Variants in CELF1 observed in about 807,000 individuals in gnomAD.
The protein encoded by CELF1 is CUGBP Elav-like family member 1.
Under a neutral mutation model 61.8 loss-of-function variants are expected in CELF1, and 10 were observed. The ratio of observed to expected loss-of-function variants is 0.16; its 90% CI spans 0.10 to 0.27. The LOEUF (loss-of-function observed/expected upper bound fraction) is 0.27. Ranked by LOEUF, CELF1 falls within the 10% of genes least tolerant of loss-of-function variation. The pLI, the probability that CELF1 is intolerant of heterozygous loss-of-function variation, is 1.00. For synonymous variants in CELF1, 236 were observed against 225.1 expected (o/e 1.05, Z -0.43); for missense variants, 380 against 639.1 (o/e 0.59, Z 4.37).
At chr11:47,549,544 T>C (rs1405624026) in intron 1 of CELF1, among the ~76,000 whole-genome samples, 4 of 152,128 alleles carry the variant, frequency 2.6e-5, no homozygotes, top group East Asian at 1.9e-4. Context: ...CTTGAGGACA[T>C]TACACTAAGT....
At chr11:47,479,431 C>T (rs2081783764) in intron 9 of CELF1, among the ~76,000 whole-genome samples, 1 of 152,206 alleles carries the variant, frequency 6.6e-6, no homozygotes, top group South Asian at 2.1e-4. Flanking sequence ...CAAATCTAAA[C>T]ATTTCATAGT....
chr11:47,554,683 C>T (rs542781354), upstream of CELF1, among the ~76,000 whole-genome samples: 8 of 144,932 alleles, frequency 5.5e-5, no homozygotes, highest in South Asian at 8.8e-4. Context: ...TTTTTTGAGA[C>T]GGAGTCTAGC....
chr11:47,529,300 G>C (rs574792313), intron 1 of CELF1, among the ~76,000 whole-genome samples: 1 of 152,078 alleles, frequency 6.6e-6, no homozygotes, highest in South Asian at 2.1e-4. Flanking sequence ...GTGGCTCCCA[G>C]CACTTTGGGA....
chr11:47,485,570 T>C (rs557162277), intron 6 of CELF1, among the ~76,000 whole-genome samples: 4 of 151,654 alleles, frequency 2.6e-5, no homozygotes, highest in Non-Finnish European at 5.9e-5. Flanking sequence ...TGAATGTAAC[T>C]GTCTACTTTT....
intron 1 of CELF1, among the ~76,000 whole-genome samples, chr11:47,519,945 A>T (rs1424953496): frequency 2.6e-5 from 4 of 150,958 alleles, no homozygotes; most frequent in African/African-American, 9.7e-5. Context: ...TCCTAAAAAA[A>T]CTCAACTGTT....
chr11:47,510,068 G>GA lies in CELF1; in HGVS notation c.-153-9137dup, dbSNP rs200224341. ...CAGGGTGAGATACTGTCTCAAAAAA[G>GA]AAAAAAAAAAGTAAGGAAGTAGGGA... On this transcript the variant is annotated intron_variant, in intron 1 of 14. Transcript: ENST00000687097. Among the ~76,000 whole-genome samples the GA allele has an allele frequency of 6.9e-3, 998 of 145,640 alleles. 8 individuals are homozygous for GA. The highest frequency in any genetic ancestry group is 0.024 in the African/African-American group (951 of 39,742).
At chr11:47,564,897 A>C (rs930333314) in intron 1 of CELF1, among the ~76,000 whole-genome samples, 3 of 152,116 alleles carry the variant, frequency 2.0e-5, no homozygotes, top group African/African-American at 7.2e-5. Context: ...TTTCTTAAGG[A>C]TATATTAATA....
At position 47,466,773 on chromosome 11, in the gene CELF1, A is replaced by G. The variant is rs954589992; in HGVS notation, c.*5457T>C. 7.2e-5 allele frequency: 11 copies of G among 152,200 alleles called. No homozygotes were observed. Among genetic ancestry groups the G allele is most frequent in the African/African-American group, 2.7e-4 (11 of 41,456 alleles). 9.4% of individuals were successfully genotyped at this position (152,200 alleles called of 1,614,324 possible). A position where few individuals can be genotyped will look rare whatever the true frequency, so the allele number is the denominator to read the frequency against. On this transcript the variant is annotated 3_prime_UTR_variant, in exon 15 of 15. Transcript: ENST00000687097. ...CCTCTTGGAATTGAAAGCAAAATATATTGGCAAACACTGCTTCTCAATACA... is the reference window on the plus strand; with the variant it reads ...CCTCTTGGAATTGAAAGCAAAATATGTTGGCAAACACTGCTTCTCAATACA...
In CELF1 at chr11:47,472,433, C is replaced by A. The variant is rs866446110; in HGVS notation, c.1418-76G>T. On this transcript the variant is annotated intron_variant, in intron 14 of 14. Coordinates refer to ENST00000687097, the MANE Select transcript of CELF1 (RefSeq NM_001376376.1). ...TTCTCAGTCCTCCTTATGCAAGATA[C>A]CTTATGTGCTTCATCTCAAATCCCA... The A allele has an allele frequency of 4.7e-6, 7 of 1,490,094 alleles. No homozygotes were observed. In the Middle Eastern group the frequency reaches 5.2e-4, roughly 112 times the overall value. 92.3% of individuals were successfully genotyped at this position (1,490,094 alleles called of 1,614,324 possible). A position where few individuals can be genotyped will look rare whatever the true frequency, so the allele number is the denominator to read the frequency against.
chr11:47,536,767 T>C (rs1044199561), intron 1 of CELF1, among the ~76,000 whole-genome samples: 24 of 152,106 alleles, frequency 1.6e-4, no homozygotes, highest in Admixed American at 6.6e-4. Context: ...CAAAAAATAA[T>C]AATAAAAAAT....
At chr11:47,482,978 A>C in intron 8 of CELF1, 122 bp from the exon 9 acceptor site, 4 of 868,104 alleles carry the variant, frequency 4.6e-6, no homozygotes, top group Non-Finnish European at 7.0e-6. Context: ...GATTCTCCTC[A>C]TGATAGACAC....
At chr11:47,559,667 CTATTGCACCGACAA>C (rs1212488546) in intron 2 of CELF1, among the ~76,000 whole-genome samples, 1 of 152,152 alleles carries the variant, frequency 6.6e-6, no homozygotes, top group Non-Finnish European at 1.5e-5. Context: ...AAATCTACCT[CTATTGCACCGACAA>C]TATAATATTC....
At chr11:47,500,788 CTA>C in intron 2 of CELF1, 71 bp downstream of exon 2, 1 of 397,462 alleles carries the variant, frequency 2.5e-6, no homozygotes, top group Non-Finnish European at 4.4e-6. Flanking sequence ...GGCAGTGACT[CTA>C]AAATGTTATC....
intron 1 of CELF1, among the ~76,000 whole-genome samples, chr11:47,502,425 A>C (rs2094015832): frequency 6.6e-6 from 1 of 152,224 alleles, no homozygotes; most frequent in Non-Finnish European, 1.5e-5. Context: ...AAAAGCAATT[A>C]TGGGAATACA....
At chr11:47,489,935 G>GTTTTTTGTTTTTTTTTTTTTTTT (rs1555170256) in intron 3 of CELF1, among the ~76,000 whole-genome samples, 2 of 48,226 alleles carry the variant, frequency 4.1e-5, no homozygotes, top group Non-Finnish European at 7.8e-5. Context: ...ATACCATCTT[G>GTTTTTTGTTTTTTTTTTTTTTTT]TTTTTTTTTT....
At chr11:47,475,000 C>A (rs1454792127) in intron 13 of CELF1, among the ~76,000 whole-genome samples, 1 of 152,170 alleles carries the variant, frequency 6.6e-6, no homozygotes, top group East Asian at 1.9e-4. Flanking sequence ...GACAGAAGAT[C>A]CTCTGATAGA....
At chr11:47,525,731 A>G (rs2096204994) in intron 1 of CELF1, among the ~76,000 whole-genome samples, 1 of 152,230 alleles carries the variant, frequency 6.6e-6, no homozygotes, top group Admixed American at 6.5e-5. Context: ...AAAGGCAGAC[A>G]GTACATGACT....
intron 8 of CELF1, 56 bp from the exon 9 acceptor site, chr11:47,482,912 AAAT>A: frequency 1.3e-6 from 2 of 1,538,352 alleles, no homozygotes; most frequent in Non-Finnish European, 1.8e-6. Context: ...AGAAGAAAAA[AAAT>A]CTTCCTTTTG....
At chr11:47,513,464 CT>C (rs35845903) in intron 1 of CELF1, 262 of 94,874 alleles carry the variant, frequency 2.8e-3, no homozygotes, top group South Asian at 7.1e-3. Flanking sequence ...AGCACCCCCT[CT>C]TTTTTTTTTT....
Sources: gnomAD v4.1 joint callset for allele counts (sites outside exome capture counted in the v4.1 genomes callset) on GRCh38, gnomAD v4.1.1 for gene constraint, MANE v1.5 for transcripts, NCBI Gene and HGNC (gene_info 2026-07-23, HGNC 2026-07-21) for gene names.